ADAMTS17: variants seen among roughly 807,000 people sequenced by gnomAD.
The protein encoded by ADAMTS17 is A disintegrin and metalloproteinase with thrombospondin motifs 17.
In ADAMTS17, 113 loss-of-function variants were observed where a neutral mutation model predicts 141.5. The observed-to-expected ratio is 0.80, with a 90% CI of 0.69 to 0.93. ADAMTS17 has a LOEUF of 0.93. ADAMTS17 is among the 40% of genes least tolerant of loss of function. The pLI is 0.00. For missense variants in ADAMTS17, 1,659 were observed against 1,517.9 expected, an observed-to-expected ratio of 1.09 and a Z score of -1.54; for synonymous variants, 768 against 630.6, an observed-to-expected ratio of 1.22 and a Z score of -3.27.
chr15:100,240,658 C>T (rs985251264), intron 7 of ADAMTS17, among the ~76,000 whole-genome samples: 2 of 152,236 alleles, frequency 1.3e-5, no homozygotes, highest in African/African-American at 2.4e-5. Flanking sequence ...GACCTTCCCA[C>T]AATCTGCCAC....
intron 3 of ADAMTS17, among the ~76,000 whole-genome samples, chr15:100,283,194 G>A (rs1161938526): frequency 6.6e-6 from 1 of 152,198 alleles, no homozygotes; most frequent in Non-Finnish European, 1.5e-5. Flanking sequence ...CAGCCCTGCA[G>A]GATGGGCCTC....
chr15:100,202,657 A>G (rs1446373734), intron 7 of ADAMTS17, among the ~76,000 whole-genome samples: 1 of 152,266 alleles, frequency 6.6e-6, no homozygotes, highest in Non-Finnish European at 1.5e-5. Context: ...AAGAAACTGC[A>G]GTCTAGGGAA....
chr15:100,218,783 T>C (rs1410907404), intron 7 of ADAMTS17, among the ~76,000 whole-genome samples: 3 of 151,920 alleles, frequency 2.0e-5, no homozygotes, highest in Non-Finnish European at 2.9e-5. Flanking sequence ...TGAATATTTA[T>C]GGAAACATTG....
chr15:100,341,732 C>A, intron 1 of ADAMTS17, 89 bp downstream of exon 1: 1 of 1,461,540 alleles, frequency 6.8e-7, no homozygotes, highest in Non-Finnish European at 9.1e-7. Flanking sequence ...GTCCCGCCGC[C>A]GCCCCCGGGC....
chr15:100,245,908 T>C (rs1442013920), intron 7 of ADAMTS17, among the ~76,000 whole-genome samples: 4 of 152,200 alleles, frequency 2.6e-5, no homozygotes, highest in South Asian at 2.1e-4. Flanking sequence ...TGTGTACATA[T>C]GTGTCTGGTA....
chr15:100,242,642 T>G (rs530649358), intron 7 of ADAMTS17, among the ~76,000 whole-genome samples: 67 of 152,258 alleles, frequency 4.4e-4, no homozygotes, highest in Non-Finnish European at 8.7e-4. Context: ...CTGCACTATT[T>G]GTGTCTCATC....
chr15:100,102,317 A>G (rs1344815908), intron 14 of ADAMTS17, among the ~76,000 whole-genome samples: 1 of 149,096 alleles, frequency 6.7e-6, no homozygotes, highest in East Asian at 2.0e-4. Context: ...ACCGAAGGGG[A>G]TCTACATTTG....
intron 15 of ADAMTS17, among the ~76,000 whole-genome samples, chr15:100,086,607 C>T (rs1484418187): frequency 1.3e-5 from 2 of 152,158 alleles, no homozygotes; most frequent in Admixed American, 1.3e-4. Flanking sequence ...TGAAGTACTC[C>T]TCAGCAAATG....
At chr15:100,058,214 T>TCTAACCGTCCTATC (rs2032779596) in intron 15 of ADAMTS17, among the ~76,000 whole-genome samples, 1 of 12,180 alleles carries the variant, frequency 8.2e-5, no homozygotes, top group African/African-American at 2.6e-4. Flanking sequence ...ACACCCCTAT[T>TCTAACCGTCCTATC]CCGGCTCCAA....
At chr15:100,237,446 C>T (rs1047535962) in intron 7 of ADAMTS17, among the ~76,000 whole-genome samples, 3 of 152,070 alleles carry the variant, frequency 2.0e-5, no homozygotes, top group East Asian at 3.9e-4. Context: ...ATCCACACGA[C>T]GACAGGAAGA....
chr15:100,197,677 T>C (rs2041171245), intron 8 of ADAMTS17, among the ~76,000 whole-genome samples: 1 of 152,126 alleles, frequency 6.6e-6, no homozygotes, highest in African/African-American at 2.4e-5. Flanking sequence ...TCATGGGATT[T>C]CCTCCCTACC....
chr15:100,097,875 T>C (rs2035859171), intron 14 of ADAMTS17, among the ~76,000 whole-genome samples: 1 of 151,908 alleles, frequency 6.6e-6, no homozygotes, highest in Admixed American at 6.5e-5. Flanking sequence ...CCTCGGAGCC[T>C]TTTATTTTTT....
chr15:100,024,196 A>G (rs1295227753), intron 18 of ADAMTS17, among the ~76,000 whole-genome samples: 1 of 152,146 alleles, frequency 6.6e-6, no homozygotes, highest in African/African-American at 2.4e-5. Context: ...GGGCTCAAGC[A>G]ATTCTCCTGC....
At chr15:100,282,016 T>C (rs2044301888) in intron 3 of ADAMTS17, among the ~76,000 whole-genome samples, 1 of 152,188 alleles carries the variant, frequency 6.6e-6, no homozygotes, top group Non-Finnish European at 1.5e-5. Flanking sequence ...TAGTAGTAGA[T>C]GTGTGAGTAA....
At chr15:100,269,439 TTGAC>T (rs1358751859) in intron 4 of ADAMTS17, among the ~76,000 whole-genome samples, 2 of 152,208 alleles carry the variant, frequency 1.3e-5, no homozygotes, top group South Asian at 2.1e-4. Flanking sequence ...TTTTGATTGA[TTGAC>T]TGATCTTTAA....
chr15:100,059,736 G>C (rs2032967734), intron 15 of ADAMTS17, among the ~76,000 whole-genome samples: 1 of 152,180 alleles, frequency 6.6e-6, no homozygotes, highest in Non-Finnish European at 1.5e-5. Context: ...CCCTTCTGTG[G>C]CAGCTTGGGT....
At chr15:100,297,262 C>A (rs1400748421) in intron 3 of ADAMTS17, among the ~76,000 whole-genome samples, 2 of 152,074 alleles carry the variant, frequency 1.3e-5, no homozygotes, top group Non-Finnish European at 2.9e-5. Flanking sequence ...GAGGCCGGAG[C>A]AATGGGCAGG....
intron 8 of ADAMTS17, among the ~76,000 whole-genome samples, chr15:100,193,755 C>T (rs929284952): frequency 3.3e-5 from 5 of 152,212 alleles, no homozygotes; most frequent in Non-Finnish European, 4.4e-5. Context: ...CCAGAGGCCA[C>T]GGGCTGAGCC....
chr15:100,176,088 G>T (rs2040329110), intron 8 of ADAMTS17, among the ~76,000 whole-genome samples: 1 of 152,218 alleles, frequency 6.6e-6, no homozygotes, highest in Admixed American at 6.5e-5. Flanking sequence ...GTAAAAGAAT[G>T]AGGAAGGTCT....
Sources: allele counts gnomAD v4.1 joint callset (sites outside exome capture counted in the v4.1 genomes callset), GRCh38; gene constraint gnomAD v4.1.1; transcripts MANE v1.5; gene names NCBI Gene and HGNC (gene_info 2026-07-23, HGNC 2026-07-21).